MYO16: variants seen among roughly 807,000 people sequenced by gnomAD.
MYO16 encodes unconventional myosin-XVI.
A neutral mutation model predicts 205.3 loss-of-function variants in MYO16; 94 were observed. That is an observed-to-expected ratio of 0.46 (90% CI 0.39 to 0.54). MYO16 has a LOEUF of 0.54. Ranked by LOEUF, MYO16 falls within the 20% of genes least tolerant of loss-of-function variation. The pLI, the probability that MYO16 is intolerant of heterozygous loss-of-function variation, is 0.00. For missense variants in MYO16, 2,315 were observed against 2,387.5 expected (o/e 0.97, Z 0.63); for synonymous variants, 988 against 954.0 (o/e 1.04, Z -0.66).
chr13:108,714,616 A>G (rs1342157608), intron 3 of MYO16, among the ~76,000 whole-genome samples: 3 of 120,764 alleles, frequency 2.5e-5, no homozygotes, highest in Admixed American at 9.3e-5. Context: ...GTGTGTGTAT[A>G]TATATAGAGA....
the MYO16 span, among the ~76,000 whole-genome samples, chr13:108,545,358 T>C: frequency 1.3e-5 from 2 of 152,242 alleles, no homozygotes; most frequent in Admixed American, 1.3e-4. Context: ...GGCGGCATAG[T>C]ATTCCATGGT....
chr13:109,206,183 G>C (rs1186171445), intron 34 of MYO16, among the ~76,000 whole-genome samples: 1 of 152,150 alleles, frequency 6.6e-6, no homozygotes, highest in Non-Finnish European at 1.5e-5. Context: ...TAACTATGTG[G>C]ACAGATGGAG....
chr13:109,191,557 T>A (rs939920561), intron 34 of MYO16, among the ~76,000 whole-genome samples: 1 of 152,032 alleles, frequency 6.6e-6, no homozygotes, highest in African/African-American at 2.4e-5. Flanking sequence ...AGCAAAGATA[T>A]GGAAGTCAGG....
intron 31 of MYO16, among the ~76,000 whole-genome samples, chr13:109,128,731 A>G (rs1876384334): frequency 6.8e-6 from 1 of 147,366 alleles, no homozygotes; most frequent in South Asian, 2.2e-4. Flanking sequence ...CACAGCTATC[A>G]TTTCTGTGCT....
At chr13:108,792,276 C>T (rs1439848377) in intron 5 of MYO16, among the ~76,000 whole-genome samples, 1 of 152,102 alleles carries the variant, frequency 6.6e-6, no homozygotes, top group African/African-American at 2.4e-5. Context: ...CATTAGTAGT[C>T]ATGAAATGTT....
At chr13:108,587,118 A>T in the MYO16 span, among the ~76,000 whole-genome samples, 3 of 152,182 alleles carry the variant, frequency 2.0e-5, no homozygotes, top group African/African-American at 4.8e-5. Context: ...TTAGGGGTTT[A>T]TGTAGCAGGG....
At chr13:108,808,733 T>C (rs1200210749) in intron 7 of MYO16, among the ~76,000 whole-genome samples, 1 of 146,996 alleles carries the variant, frequency 6.8e-6, no homozygotes, top group Non-Finnish European at 1.5e-5. Context: ...AAATCTGTAA[T>C]TAGTTTGAGT....
intron 12 of MYO16, among the ~76,000 whole-genome samples, chr13:108,871,917 A>G (rs1879085319): frequency 1.3e-5 from 2 of 152,162 alleles, no homozygotes; most frequent in Non-Finnish European, 2.9e-5. Flanking sequence ...TATTTTATCC[A>G]GTCTTTGTAA....
chr13:109,031,513 AC>A, intron 23 of MYO16, among the ~76,000 whole-genome samples: 1 of 152,294 alleles, frequency 6.6e-6, no homozygotes, highest in South Asian at 2.1e-4. Context: ...TGGATGCTCT[AC>A]TTACCAGTTG....
chr13:108,687,700 C>T (rs751614387), intron 2 of MYO16, among the ~76,000 whole-genome samples: 7 of 152,096 alleles, frequency 4.6e-5, no homozygotes, highest in Non-Finnish European at 1.0e-4. Context: ...AATGTAAATT[C>T]CAAAATACTG....
intron 23 of MYO16, among the ~76,000 whole-genome samples, chr13:109,045,304 A>G (rs190712871): frequency 1.4e-4 from 21 of 152,240 alleles, no homozygotes; most frequent in African/African-American, 4.6e-4. Context: ...CTGCCCAACT[A>G]TCACCCCCAG....
upstream of MYO16, among the ~76,000 whole-genome samples, chr13:108,628,546 T>G (rs895045310): frequency 2.0e-5 from 3 of 152,192 alleles, no homozygotes; most frequent in Non-Finnish European, 2.9e-5. Context: ...CTCTGGTAAG[T>G]GGTAGAAGCT....
chr13:108,534,787 TTTC>T, the MYO16 span, among the ~76,000 whole-genome samples: 219 of 151,474 alleles, frequency 1.4e-3, no homozygotes, highest in African/African-American at 5.0e-3. Flanking sequence ...TTCCTCCTTC[TTTC>T]TTCTTCTTCT....
Position 108,823,247 on chromosome 13 carries a change from A to G in MYO16, c.1066A>G (p.Ile356Val), listed in dbSNP as rs769394253. Residue 356 changes from isoleucine to valine, a missense_variant, in exon 9 of 35, where the codon ATT becomes GTT. Coordinates refer to ENST00000457511, the MANE Select transcript of MYO16 (RefSeq NM_001198950.3). ...TCAAGAAGAGCCCTATGAAGAGATCATTCACGATCTTCCCGTACTGTCGAG... is the reference window on the plus strand; with the variant it reads ...TCAAGAAGAGCCCTATGAAGAGATCGTTCACGATCTTCCCGTACTGTCGAG... ...LAQEEPYEEI[I>V]HDLPVLSSKL... The G allele has an allele frequency of 1.3e-5, 21 of 1,612,486 alleles. No homozygotes were observed. The highest frequency in any genetic ancestry group is 1.8e-5 in the Non-Finnish European group (21 of 1,179,054).
intron 27 of MYO16, among the ~76,000 whole-genome samples, chr13:109,076,617 A>G (rs1179860189): frequency 6.6e-6 from 1 of 152,130 alleles, no homozygotes; most frequent in African/African-American, 2.4e-5. Context: ...AAGAAATCCC[A>G]TAGCAGAGGG....
chr13:108,968,026 T>G (rs941540811), intron 20 of MYO16, among the ~76,000 whole-genome samples: 5 of 152,230 alleles, frequency 3.3e-5, no homozygotes, highest in African/African-American at 1.2e-4. Flanking sequence ...TCATTTACAT[T>G]TGTATGCGAA....
intron 20 of MYO16, among the ~76,000 whole-genome samples, chr13:108,974,548 T>C (rs1023888202): frequency 3.3e-5 from 5 of 152,200 alleles, no homozygotes; most frequent in African/African-American, 1.2e-4. Flanking sequence ...TCCTCAATGT[T>C]GTTCATAGTC....
At chr13:108,813,961 A>G (rs1429735307) in intron 7 of MYO16, among the ~76,000 whole-genome samples, 1 of 152,164 alleles carries the variant, frequency 6.6e-6, no homozygotes, top group Non-Finnish European at 1.5e-5. Flanking sequence ...CATAGGAAAT[A>G]TTGACTTTAC....
intron 2 of MYO16, among the ~76,000 whole-genome samples, chr13:108,711,164 A>C (rs887412162): frequency 6.6e-6 from 1 of 152,244 alleles, no homozygotes; most frequent in Admixed American, 6.5e-5. Context: ...GTGAAGAACA[A>C]GAGAAAGATG....
Sources: gnomAD v4.1 joint callset for allele counts (sites outside exome capture counted in the v4.1 genomes callset) on GRCh38, gnomAD v4.1.1 for gene constraint, MANE v1.5 for transcripts, NCBI Gene and HGNC (gene_info 2026-07-23, HGNC 2026-07-21) for gene names.